The following ZNF292 variants were observed in gnomAD, a reference collection of about 807,000 sequenced individuals.
ZNF292 encodes the protein zinc finger protein 292.
A neutral mutation model predicts 217.9 loss-of-function variants in ZNF292; 26 were observed. The ratio of observed to expected loss-of-function variants is 0.12; its 90% CI spans 0.09 to 0.17. The LOEUF is 0.17. Ranked by LOEUF, ZNF292 falls within the 10% of genes least tolerant of loss-of-function variation. The pLI, the probability that ZNF292 is intolerant of heterozygous loss-of-function variation, is 1.00. For missense variants in ZNF292, 2,904 were observed against 3,175.2 expected (o/e 0.91, Z 2.05); for synonymous variants, 1,257 against 1,124.1 (o/e 1.12, Z -2.37).
intron 1 of ZNF292, among the ~76,000 whole-genome samples, chr6:87,209,962 T>C (rs1220703658): frequency 3.3e-5 from 5 of 152,182 alleles, no homozygotes; most frequent in Admixed American, 6.5e-5. Context: ...TGTAATAATA[T>C]AACCATAACC....
At chr6:87,219,521 A>G (rs1446478425) in intron 4 of ZNF292, among the ~76,000 whole-genome samples, 1 of 152,170 alleles carries the variant, frequency 6.6e-6, no homozygotes, top group Non-Finnish European at 1.5e-5. Context: ...TGTGATAGCA[A>G]GTTATGAAGG....
Position 87,262,185 on chromosome 6 carries a change from C to G in ZNF292, c.*384C>G, listed in dbSNP as rs778320531. On this transcript the variant is annotated 3_prime_UTR_variant, in exon 8 of 8. Coordinates refer to ENST00000369577, the MANE Select transcript of ZNF292 (RefSeq NM_015021.3). ...TATATTTATTATTGTAAATCATGTGCTGCCACCAGCAGTCTGTAAGTCTAA... is the reference window on the plus strand; with the variant it reads ...TATATTTATTATTGTAAATCATGTGGTGCCACCAGCAGTCTGTAAGTCTAA... The G allele has an allele frequency of 1.3e-5, 2 of 153,530 alleles. No homozygotes were observed. Among genetic ancestry groups the G allele is most frequent in the African/African-American group, 4.8e-5 (2 of 41,470 alleles). 9.5% of individuals were successfully genotyped at this position (153,530 alleles called of 1,614,324 possible).
chr6:87,184,531 GAATACAAT>G (rs1460177020), intron 1 of ZNF292, among the ~76,000 whole-genome samples: 2 of 148,256 alleles, frequency 1.3e-5, no homozygotes, highest in Non-Finnish European at 3.0e-5. Flanking sequence ...GTGTTGTAAG[GAATACAAT>G]AAGAAGGAAT....
At chr6:87,216,161 T>C (rs2127802832) in intron 2 of ZNF292, 104 bp downstream of exon 2, 1 of 1,242,804 alleles carries the variant, frequency 8.0e-7, no homozygotes, top group South Asian at 1.5e-5. Context: ...ACACACAACA[T>C]TAAATCTCAA....
At position 87,261,496 on chromosome 6, in the gene ZNF292, T is replaced by C. The variant is rs770339676; in HGVS notation, c.7867T>C (p.Ser2623Pro). The part of the protein sequence containing the change: ...DHPNTGNKKG[S>P]HSNSRKNIDK... Reference sequence around the variant, plus strand: ...TCCGAATACTGGAAACAAAAAAGGATCCCATTCAAATTCAAGAAAAAATAT... The same window carrying C: ...TCCGAATACTGGAAACAAAAAAGGACCCCATTCAAATTCAAGAAAAAATAT... Residue 2623 changes from serine (S) to proline (P), a missense_variant, in exon 8 of 8, where the codon TCC becomes CCC. Around this residue, in one of 15 missense-constraint regions of ZNF292, gnomAD observed 380 missense variants for 355.3 expected, o/e 1.07. Transcript: ENST00000369577. 3.1e-6 allele frequency: 5 copies of C among 1,605,258 alleles called. No individual in the cohort carries two copies. The South Asian group carries it at 5.6e-5, about 18-fold the overall frequency.
In ZNF292 at chr6:87,186,593, A is replaced by C. The variant is rs1042730582; in HGVS notation, c.169-29310A>C. On this transcript the variant is annotated intron_variant, in intron 1 of 7. Coordinates refer to ENST00000369577, the MANE Select transcript of ZNF292 (RefSeq NM_015021.3). ...TTTCAGGTAGATAATAAGTATGGGG[A>C]AATGGCCAGGTGTAGTGGCTCATGC... is the stretch of plus-strand genomic sequence containing the variant. 9.2e-5 allele frequency among the ~76,000 whole-genome samples: 14 copies of C among 152,316 alleles called. No homozygotes were observed. The East Asian group carries it at 2.7e-3, about 29-fold the overall frequency.
In ZNF292 at chr6:87,263,527, A is replaced by G. The variant is rs1215069163; in HGVS notation, c.*1726A>G. The G allele has an allele frequency of 6.6e-6, 1 of 151,944 alleles. No homozygotes were observed. Among genetic ancestry groups the G allele is most frequent in the Non-Finnish European group, 1.5e-5 (1 of 67,918 alleles). The allele number at this position is 151,944 out of a possible 1,614,324, so 9.4% of individuals were successfully genotyped here. A position where few individuals can be genotyped will look rare whatever the true frequency, so the allele number is the denominator to read the frequency against. The stretch of plus-strand genomic sequence containing the variant: ...AAATTTCTTTTTAATTTTTATTATT[A>G]AAGTATTTTATTTTTAGGGCCTTTT... On this transcript the variant is annotated 3_prime_UTR_variant, in exon 8 of 8. Transcript: ENST00000369577.
At position 87,243,607 on chromosome 6, in the gene ZNF292, G is replaced by T. The variant is rs1294197897; in HGVS notation, c.874G>T (p.Ala292Ser). 1.4e-6 allele frequency: 2 copies of T among 1,476,778 alleles called. No individual in the cohort carries two copies. The highest frequency in any genetic ancestry group is 1.8e-6 in the Non-Finnish European group (2 of 1,115,178). The allele number at this position is 1,476,778 out of a possible 1,614,324, so 91.5% of individuals were successfully genotyped here. A position where few individuals can be genotyped will look rare whatever the true frequency, so the allele number is the denominator to read the frequency against. Residue 292 changes from alanine to serine, a missense_variant, in exon 6 of 8, where the codon GCT becomes TCT. Around this residue, in one of 15 missense-constraint regions of ZNF292, gnomAD observed 313 missense variants for 451.0 expected, o/e 0.69. Coordinates refer to ENST00000369577, the MANE Select transcript of ZNF292 (RefSeq NM_015021.3). ...RQLQQGDMYCAWELTLFWSKL... is the reference protein window; with the variant it reads ...RQLQQGDMYCSWELTLFWSKL... ...GCTCCAACAAGGAGATATGTACTGC[G>T]CTTGGTGAGTTGATCTTTTTTTTTT...
chr6:87,185,572 G>A (rs1013044863), intron 1 of ZNF292, among the ~76,000 whole-genome samples: 3 of 152,032 alleles, frequency 2.0e-5, no homozygotes, highest in African/African-American at 7.2e-5. Context: ...TCTGCCTCCC[G>A]GGCTCAAGTG....
At chr6:87,237,451 A>G (rs1055285081) in intron 5 of ZNF292, among the ~76,000 whole-genome samples, 8 of 152,330 alleles carry the variant, frequency 5.3e-5, no homozygotes, top group African/African-American at 1.7e-4. Context: ...TGTGTTGCTC[A>G]GGCTGGTCTC....
At chr6:87,157,754 T>C (rs1021540907) in intron 1 of ZNF292, among the ~76,000 whole-genome samples, 8 of 152,214 alleles carry the variant, frequency 5.3e-5, no homozygotes, top group African/African-American at 1.9e-4. Context: ...AGTGGTGCGA[T>C]CTCAGCTCAC....
At chr6:87,198,044 T>C (rs1385546363) in intron 1 of ZNF292, among the ~76,000 whole-genome samples, 2 of 152,180 alleles carry the variant, frequency 1.3e-5, no homozygotes, top group Non-Finnish European at 2.9e-5. Flanking sequence ...ATTTTCTTTT[T>C]CATCAGTTTC....
In ZNF292 at chr6:87,261,803, A is replaced by G; in HGVS notation, c.*2A>G. On this transcript the variant is annotated 3_prime_UTR_variant, in exon 8 of 8. Coordinates refer to ENST00000369577, the MANE Select transcript of ZNF292 (RefSeq NM_015021.3). Reference sequence around the variant, plus strand: ...GCCACAGGCAGAGGTCAGTACTGATAATTAATGTAGTATAAATACATCATT... The same window carrying G: ...GCCACAGGCAGAGGTCAGTACTGATGATTAATGTAGTATAAATACATCATT... 1 of 1,580,660 alleles carries G rather than the reference A, an allele frequency of 6.3e-7. No homozygotes were observed. The highest frequency in any genetic ancestry group is 8.6e-7 in the Non-Finnish European group (1 of 1,159,594).
At chr6:87,243,253 A>G (rs1008500187) in intron 5 of ZNF292, among the ~76,000 whole-genome samples, 28 of 149,844 alleles carry the variant, frequency 1.9e-4, no homozygotes, top group Non-Finnish European at 4.0e-4. Flanking sequence ...GAATTACTAT[A>G]TAAATTTCTA....
chr6:87,261,701 C>T lies in ZNF292; in HGVS notation c.8072C>T (p.Thr2691Ile), dbSNP rs752623398. 2 of 1,613,054 alleles carry T rather than the reference C, an allele frequency of 1.2e-6. No homozygotes were observed. The highest frequency in any genetic ancestry group is 1.1e-5 in the South Asian group (1 of 91,046). ...AAGCAACTTCAGGAAATGAAACCTACCGTCAGTCTGAAAAAACTTGAAGTA... is the reference window on the plus strand; with the variant it reads ...AAGCAACTTCAGGAAATGAAACCTATCGTCAGTCTGAAAAAACTTGAAGTA... ...VLKQLQEMKP[T>I]VSLKKLEVHS... The change falls in exon 8 of 8, where the codon ACC (threonine) becomes ATC (isoleucine). Residue 2691 changes from threonine to isoleucine, a missense_variant. Coordinates refer to ENST00000369577, the MANE Select transcript of ZNF292 (RefSeq NM_015021.3).
intron 1 of ZNF292, among the ~76,000 whole-genome samples, chr6:87,170,662 A>G (rs1453451076): frequency 6.6e-6 from 1 of 152,202 alleles, no homozygotes; most frequent in African/African-American, 2.4e-5. Context: ...TAATCCATGA[A>G]AACCATCCTT....
intron 1 of ZNF292, among the ~76,000 whole-genome samples, chr6:87,156,913 AAAG>A (rs1446626334): frequency 6.6e-6 from 1 of 152,222 alleles, no homozygotes; most frequent in East Asian, 1.9e-4. Flanking sequence ...TGAGGAGGAA[AAAG>A]AAGACACAAT....
rs1775203487 is a variant in ZNF292 at position 87,256,219 on chromosome 6, A to T, written c.2590A>T (p.Asn864Tyr). Reference protein sequence around the residue: ...PSEVNQNTAENIEKERSMLPS... With the variant: ...PSEVNQNTAEYIEKERSMLPS... ...TGAAGTGAATCAGAACACAGCAGAG[A>T]ATATTGAGAAAGAAAGATCTATGCT... The change falls in exon 8 of 8, where the codon AAT becomes TAT. Residue 864 changes from asparagine (N) to tyrosine (Y), a missense_variant. By Grantham distance (143) the Asn-to-Tyr change is moderately radical (BLOSUM62 -2). Transcript: ENST00000369577. 1 of 1,613,770 alleles carries T rather than the reference A, an allele frequency of 6.2e-7. No homozygotes were observed.
chr6:87,222,450 G>A (rs964082298), intron 4 of ZNF292, among the ~76,000 whole-genome samples: 2 of 152,152 alleles, frequency 1.3e-5, no homozygotes, highest in Admixed American at 6.5e-5. Flanking sequence ...AAAACTGGCT[G>A]TGACAGTTTT....
Sources: allele counts gnomAD v4.1 joint callset (sites outside exome capture counted in the v4.1 genomes callset), GRCh38; gene constraint gnomAD v4.1.1; regional missense constraint gnomAD v4.1.1; transcripts MANE v1.5; gene names NCBI Gene and HGNC (gene_info 2026-07-23, HGNC 2026-07-21).